SIL1: variants seen among roughly 807,000 people sequenced by gnomAD.
The protein encoded by SIL1 is nucleotide exchange factor SIL1.
Under a neutral mutation model 49.1 loss-of-function variants are expected in SIL1, and 40 were observed. That is an observed-to-expected ratio of 0.81 (90% CI 0.63 to 1.06). The LOEUF (loss-of-function observed/expected upper bound fraction) is 1.06. SIL1 is among the 50% of genes least tolerant of loss of function. SIL1 has a pLI of 0.00. For missense variants in SIL1, 500 were observed against 572.6 expected, an observed-to-expected ratio of 0.87 and a Z score of 1.29; for synonymous variants, 253 against 250.8, an observed-to-expected ratio of 1.01 and a Z score of -0.08.
intron 3 of SIL1, among the ~76,000 whole-genome samples, chr5:139,062,740 C>T (rs1029245112): frequency 6.6e-6 from 1 of 152,236 alleles, no homozygotes; most frequent in Non-Finnish European, 1.5e-5. Flanking sequence ...CCATCATCAG[C>T]ACAAGGCTCA....
At chr5:138,999,016 C>T (rs1581017520) in intron 7 of SIL1, among the ~76,000 whole-genome samples, 1 of 152,122 alleles carries the variant, frequency 6.6e-6, no homozygotes, top group East Asian at 1.9e-4. Context: ...GCCACCACGC[C>T]CAGCTAATTT....
chr5:138,949,203 A>G (rs1766707056), intron 9 of SIL1, among the ~76,000 whole-genome samples: 1 of 152,204 alleles, frequency 6.6e-6, no homozygotes. Flanking sequence ...CCTCAGATGC[A>G]CCAGAGGCCA....
chr5:139,023,329 G>A (rs148363775), intron 6 of SIL1, among the ~76,000 whole-genome samples: 3 of 152,248 alleles, frequency 2.0e-5, no homozygotes, highest in East Asian at 1.9e-4. Flanking sequence ...CCTTCGGGGT[G>A]GGGTGGGACA....
At chr5:139,088,346 T>G (rs183965120) in intron 3 of SIL1, among the ~76,000 whole-genome samples, 3 of 152,324 alleles carry the variant, frequency 2.0e-5, no homozygotes, top group Admixed American at 1.3e-4. Flanking sequence ...AATAAAGCCT[T>G]TCTAATAAGT....
intron 3 of SIL1, among the ~76,000 whole-genome samples, chr5:139,069,524 A>G (rs1160214162): frequency 6.6e-6 from 1 of 152,160 alleles, no homozygotes; most frequent in African/African-American, 2.4e-5. Flanking sequence ...AGCAAACAGA[A>G]TACCAAAAAC....
At chr5:139,043,526 C>G (rs1769091006) in intron 4 of SIL1, among the ~76,000 whole-genome samples, 1 of 152,164 alleles carries the variant, frequency 6.6e-6, no homozygotes, top group Admixed American at 6.5e-5. Flanking sequence ...AAAGGAGAGG[C>G]AGGAGGTATG....
intron 3 of SIL1, among the ~76,000 whole-genome samples, chr5:139,103,193 G>A (rs191906687): frequency 4.6e-5 from 7 of 152,226 alleles, no homozygotes; most frequent in South Asian, 2.1e-4. Flanking sequence ...CCAAGGTACC[G>A]CTCCACCCTA....
intron 1 of SIL1, among the ~76,000 whole-genome samples, chr5:139,136,833 G>T (rs1750984169): frequency 6.6e-6 from 1 of 152,160 alleles, no homozygotes; most frequent in African/African-American, 2.4e-5. Context: ...TCCTCCATGG[G>T]TGCAACAGAG....
At chr5:139,154,265 G>C (rs1377169978) in intron 1 of SIL1, among the ~76,000 whole-genome samples, 1 of 152,180 alleles carries the variant, frequency 6.6e-6, no homozygotes, top group Non-Finnish European at 1.5e-5. Flanking sequence ...CATCAACAAA[G>C]TTTTCTCCCT....
intron 3 of SIL1, among the ~76,000 whole-genome samples, chr5:139,071,376 G>C (rs1186976098): frequency 1.3e-5 from 2 of 152,000 alleles, no homozygotes; most frequent in African/African-American, 2.4e-5. Flanking sequence ...TCAGGAGAGT[G>C]GTTACATTTG....
intron 1 of SIL1, among the ~76,000 whole-genome samples, chr5:139,176,815 T>A (rs1423904571): frequency 6.6e-6 from 1 of 152,026 alleles, no homozygotes; most frequent in Non-Finnish European, 1.5e-5. Flanking sequence ...GGACACACAT[T>A]CAGACCATGG....
chr5:138,963,168 G>C (rs565682462), intron 7 of SIL1, among the ~76,000 whole-genome samples: 1 of 152,248 alleles, frequency 6.6e-6, no homozygotes, highest in African/African-American at 2.4e-5. Flanking sequence ...GAGGAGGCCA[G>C]ACCCTGCAGG....
intron 3 of SIL1, among the ~76,000 whole-genome samples, chr5:139,073,319 G>T (rs796071143): frequency 1.3e-5 from 2 of 152,214 alleles, no homozygotes; most frequent in African/African-American, 4.8e-5. Context: ...ATCAATGCAG[G>T]AATAGAATAC....
At chr5:138,996,577 T>G (rs1767875420) in intron 7 of SIL1, among the ~76,000 whole-genome samples, 1 of 140,952 alleles carries the variant, frequency 7.1e-6, no homozygotes, top group Non-Finnish European at 1.5e-5. Context: ...TGGAGTGCAG[T>G]GGTGCAATCT....
chr5:138,981,833 T>C (rs951361643), intron 7 of SIL1, among the ~76,000 whole-genome samples: 6 of 148,780 alleles, frequency 4.0e-5, no homozygotes, highest in Admixed American at 6.7e-5. Flanking sequence ...CTCTCTCTCT[T>C]TTTTTTTTCT....
At chr5:139,184,585 A>C (rs1386528739) in intron 1 of SIL1, among the ~76,000 whole-genome samples, 1 of 152,168 alleles carries the variant, frequency 6.6e-6, no homozygotes, top group Non-Finnish European at 1.5e-5. Flanking sequence ...AGGTGGGAGG[A>C]TATCTTGAGC....
chr5:139,113,162 A>G (rs1050302704), intron 3 of SIL1, among the ~76,000 whole-genome samples: 2 of 151,962 alleles, frequency 1.3e-5, no homozygotes, highest in Non-Finnish European at 2.9e-5. Context: ...AACACTGCGG[A>G]AGGCCGCAGG....
chr5:139,059,745 T>C (rs1769542433), intron 3 of SIL1, among the ~76,000 whole-genome samples: 1 of 152,206 alleles, frequency 6.6e-6, no homozygotes, highest in East Asian at 1.9e-4. Context: ...TATATTTCTA[T>C]ATCTATTTAT....
intron 1 of SIL1, among the ~76,000 whole-genome samples, chr5:139,134,446 T>C (rs62381246): frequency 0.016 from 2,510 of 152,144 alleles, 26 homozygotes; most frequent in Non-Finnish European, 0.023. Flanking sequence ...CACTCCATCA[T>C]TGGAATGGAA....
Sources: allele counts gnomAD v4.1 joint callset (sites outside exome capture counted in the v4.1 genomes callset), GRCh38; gene constraint gnomAD v4.1.1; transcripts MANE v1.5; gene names NCBI Gene and HGNC (gene_info 2026-07-23, HGNC 2026-07-21).